Variants in TCF4 observed in about 807,000 individuals in gnomAD.
TCF4 encodes transcription factor 4.
A neutral mutation model predicts 82.1 loss-of-function variants in TCF4; 3 were observed. That is an observed-to-expected ratio of 0.04 (90% CI 0.02 to 0.09). The LOEUF is 0.09. Among genes scored for constraint, TCF4 ranks in the 10% least tolerant of loss-of-function variants. The pLI, the probability that TCF4 is intolerant of heterozygous loss-of-function variation, is 1.00. For synonymous variants in TCF4, 276 were observed against 309.6 expected, an observed-to-expected ratio of 0.89 and a Z score of 1.14; for missense variants, 518 against 852.7, an observed-to-expected ratio of 0.61 and a Z score of 4.89.
chr18:55,411,365 T>C (rs1349750498), intron 5 of TCF4, among the ~76,000 whole-genome samples: 2 of 152,190 alleles, frequency 1.3e-5, no homozygotes, highest in East Asian at 3.8e-4. Flanking sequence ...TCTATGATAA[T>C]TGGATATAAC....
intron 8 of TCF4, among the ~76,000 whole-genome samples, chr18:55,338,420 C>T (rs1209935906): frequency 6.6e-6 from 1 of 152,164 alleles, no homozygotes; most frequent in Non-Finnish European, 1.5e-5. Flanking sequence ...ATGAGTGCCT[C>T]TTCTTCCGGG....
chr18:55,351,017 A>C lies in TCF4; in HGVS notation c.370-14T>G. On this transcript the variant is annotated splice_polypyrimidine_tract_variant and intron_variant, in intron 6 of 19. Transcript: ENST00000354452. ...AAGGAGACTCTGCTAAAAGGTTAAAAAGGGAAAACAAACATATAAGGTTAA... is the reference window on the plus strand; with the variant it reads ...AAGGAGACTCTGCTAAAAGGTTAAACAGGGAAAACAAACATATAAGGTTAA... 6.2e-7 allele frequency: 1 copy of C among 1,613,016 alleles called. No individual in the cohort carries two copies. The highest frequency in any genetic ancestry group is 8.5e-7 in the Non-Finnish European group (1 of 1,179,220).
chr18:55,242,610 ATTT>A (rs35918728), intron 15 of TCF4, among the ~76,000 whole-genome samples: 3 of 142,564 alleles, frequency 2.1e-5, no homozygotes, highest in Non-Finnish European at 1.5e-5. Flanking sequence ...GCAGGCACTG[ATTT>A]TTTTTTTTTT....
intron 8 of TCF4, among the ~76,000 whole-genome samples, chr18:55,299,135 G>A (rs1391832690): frequency 1.3e-5 from 2 of 152,198 alleles, no homozygotes; most frequent in Non-Finnish European, 2.9e-5. Context: ...TCTTGGCCAG[G>A]TGTGGTGGCT....
intron 15 of TCF4, among the ~76,000 whole-genome samples, chr18:55,240,086 TCAGTTTCTAGAC>T (rs2050751456): frequency 6.6e-6 from 1 of 152,232 alleles, no homozygotes; most frequent in Non-Finnish European, 1.5e-5. Flanking sequence ...AAACTTGTCA[TCAGTTTCTAGAC>T]CAAGTGATAA....
At chr18:55,312,975 GT>G (rs1253474675) in intron 8 of TCF4, among the ~76,000 whole-genome samples, 5 of 152,132 alleles carry the variant, frequency 3.3e-5, no homozygotes, top group Non-Finnish European at 2.9e-5. Flanking sequence ...GAGCATACAA[GT>G]TTCTGCTGCA....
intron 3 of TCF4, among the ~76,000 whole-genome samples, chr18:55,557,389 A>G (rs974804858): frequency 6.6e-6 from 1 of 152,140 alleles, no homozygotes; most frequent in Non-Finnish European, 1.5e-5. Context: ...CCTGGGTAAT[A>G]TAGGGAGATG....
intron 8 of TCF4, among the ~76,000 whole-genome samples, chr18:55,293,140 TA>T (rs994178333): frequency 6.6e-6 from 1 of 152,074 alleles, no homozygotes. Flanking sequence ...TCACCTCAAT[TA>T]AAAAAACAAA....
chr18:55,284,810 A>T (rs934884136), intron 8 of TCF4, among the ~76,000 whole-genome samples: 1 of 152,182 alleles, frequency 6.6e-6, no homozygotes, highest in Admixed American at 6.5e-5. Context: ...TCATTCAGTG[A>T]CTCAGGCCTT....
chr18:55,240,604 T>C (rs2050907398), intron 15 of TCF4, among the ~76,000 whole-genome samples: 1 of 152,226 alleles, frequency 6.6e-6, no homozygotes, highest in South Asian at 2.1e-4. Context: ...GTTCATGGAA[T>C]GGCAGCAGTA....
intron 3 of TCF4, among the ~76,000 whole-genome samples, chr18:55,583,489 C>A (rs1374528177): frequency 6.6e-6 from 1 of 152,048 alleles, no homozygotes; most frequent in Non-Finnish European, 1.5e-5. Context: ...ACAGCAAGAA[C>A]TTTATTTAAA....
Position 55,586,150 on chromosome 18 carries a change from GAGGAGC to G in TCF4, c.73-804_73-799del, listed in dbSNP as rs1384214480. ...GGAGGAGGAGAAGGAGGAGGAGGAG[GAGGAGC>G]AGCAGCAGCAGCAGCAGCAGCAGCA... On this transcript the variant is annotated intron_variant, in intron 2 of 19. Coordinates refer to ENST00000354452, the MANE Select transcript of TCF4 (RefSeq NM_001083962.2). 41 of 1,222,994 alleles carry G rather than the reference GAGGAGC, an allele frequency of 3.4e-5. 1 individual carries two copies. The highest frequency in any genetic ancestry group is 2.4e-4 in the African/African-American group (15 of 62,678). 75.8% of individuals were successfully genotyped at this position (1,222,994 alleles called of 1,614,324 possible). A position where few individuals can be genotyped will look rare whatever the true frequency, so the allele number is the denominator to read the frequency against.
chr18:55,532,706 G>A (rs2097077446), intron 3 of TCF4, among the ~76,000 whole-genome samples: 1 of 152,144 alleles, frequency 6.6e-6, no homozygotes, highest in Non-Finnish European at 1.5e-5. Flanking sequence ...TAATTCCACT[G>A]ATATGCACTG....
chr18:55,515,433 A>G (rs1174567044), intron 3 of TCF4, among the ~76,000 whole-genome samples: 1 of 152,192 alleles, frequency 6.6e-6, no homozygotes, highest in African/African-American at 2.4e-5. Context: ...TTCCGTCAGG[A>G]AGACTAAGCA....
chr18:55,419,923 G>A (rs1414791235), intron 5 of TCF4, among the ~76,000 whole-genome samples: 1 of 152,150 alleles, frequency 6.6e-6, no homozygotes. Flanking sequence ...GTGTCTTAGT[G>A]GAACCCCTTC....
chr18:55,338,663 T>A lies in TCF4; in HGVS notation c.549+11696A>T, dbSNP rs899184648. On this transcript the variant is annotated intron_variant, in intron 8 of 19. Transcript: ENST00000354452. The stretch of plus-strand genomic sequence containing the variant: ...GGGTTCCCGAAAATTGATTTTTTCA[T>A]TGATTCTTAGGGAGGAAGATGAGAG... Among the ~76,000 whole-genome samples, 4 of 152,194 alleles carry A rather than the reference T, an allele frequency of 2.6e-5. 1 individual carries two copies. The East Asian group carries it at 5.8e-4, about 22-fold the overall frequency.
chr18:55,468,891 C>CCGA lies in TCF4; in HGVS notation c.146-4755_146-4754insTCG, dbSNP rs57616325. Among the ~76,000 whole-genome samples the CCGA allele has an allele frequency of 1.9e-3, 240 of 127,796 alleles. 4 individuals carry two copies. The highest frequency in any genetic ancestry group is 3.1e-3 in the Non-Finnish European group (191 of 60,718). The allele number at this position is 127,796 out of a possible 152,430, so 83.8% of individuals were successfully genotyped here. A position where few individuals can be genotyped will look rare whatever the true frequency, so the allele number is the denominator to read the frequency against. On this transcript the variant is annotated intron_variant, in intron 3 of 19. Transcript: ENST00000354452. ...ATCTATTTAGTTCTCGCCCCCCCCCCCCTTGTTCTATTGCCACCCTTTTTC... is the reference window on the plus strand; with the variant it reads ...ATCTATTTAGTTCTCGCCCCCCCCCCCGACCTTGTTCTATTGCCACCCTTTTTC...
At chr18:55,385,885 G>A (rs1205745027) in intron 6 of TCF4, among the ~76,000 whole-genome samples, 1 of 152,192 alleles carries the variant, frequency 6.6e-6, no homozygotes, top group African/African-American at 2.4e-5. Flanking sequence ...AGGCAATCAG[G>A]CCATCGCTAC....
chr18:55,572,558 C>A (rs1205509721), intron 3 of TCF4, among the ~76,000 whole-genome samples: 2 of 152,128 alleles, frequency 1.3e-5, no homozygotes, highest in Non-Finnish European at 2.9e-5. Flanking sequence ...TGACAAAATG[C>A]AATCTAACAA....
Sources: gnomAD v4.1 joint callset for allele counts (sites outside exome capture counted in the v4.1 genomes callset) on GRCh38, gnomAD v4.1.1 for gene constraint, MANE v1.5 for transcripts, NCBI Gene and HGNC (gene_info 2026-07-23, HGNC 2026-07-21) for gene names.